Variants in CALN1 observed in about 807,000 individuals in gnomAD.
The protein encoded by CALN1 is calcium-binding protein 8.
CALN1 carries 17 observed loss-of-function variants against 30.6 expected under a neutral mutation model. That is an observed-to-expected ratio of 0.56 (90% CI 0.38 to 0.83). CALN1 has a LOEUF of 0.83. Ranked by LOEUF, CALN1 falls within the 40% of genes least tolerant of loss-of-function variation. CALN1 has a pLI of 0.00. For synonymous variants in CALN1, 156 were observed against 131.4 expected (o/e 1.19, Z -1.28); for missense variants, 291 against 354.9 (o/e 0.82, Z 1.45).
At chr7:72,162,696 G>A (rs796692486) in intron 3 of CALN1, among the ~76,000 whole-genome samples, 4 of 152,234 alleles carry the variant, frequency 2.6e-5, no homozygotes, top group African/African-American at 9.6e-5. Context: ...CCAAGATCAT[G>A]CCACTATACT....
intron 5 of CALN1, among the ~76,000 whole-genome samples, chr7:72,020,495 C>T (rs1452950638): frequency 1.3e-5 from 2 of 152,226 alleles, no homozygotes; most frequent in East Asian, 3.9e-4. Flanking sequence ...CAGGCAGTCG[C>T]AGGGGGAAGA....
chr7:72,078,910 T>C (rs548056091), intron 4 of CALN1, among the ~76,000 whole-genome samples: 7 of 152,040 alleles, frequency 4.6e-5, no homozygotes, highest in South Asian at 2.1e-4. Flanking sequence ...GCCTGGGTGA[T>C]AGAGTGAGAT....
chr7:72,378,634 A>G (rs1804705565), intron 2 of CALN1, among the ~76,000 whole-genome samples: 1 of 151,618 alleles, frequency 6.6e-6, no homozygotes, highest in South Asian at 2.1e-4. Context: ...TTACTTTCAT[A>G]TACCTTAGAA....
At chr7:72,110,100 C>T (rs1563066853) in intron 3 of CALN1, among the ~76,000 whole-genome samples, 2 of 152,212 alleles carry the variant, frequency 1.3e-5, no homozygotes, top group Non-Finnish European at 1.5e-5. Context: ...ATCCTGAACT[C>T]TCTGGGTTAC....
chr7:72,201,217 C>CCAAATGCTGCATATTCTCACTTA (rs1791391435), intron 3 of CALN1, among the ~76,000 whole-genome samples: 1 of 152,056 alleles, frequency 6.6e-6, no homozygotes, highest in African/African-American at 2.4e-5. Context: ...TAAGTAAGAA[C>CCAAATGCTGCATATTCTCACTTA]TAAATATTAG....
intron 3 of CALN1, among the ~76,000 whole-genome samples, chr7:72,219,018 G>A (rs532286192): frequency 2.6e-5 from 4 of 152,260 alleles, no homozygotes; most frequent in Non-Finnish European, 5.9e-5. Context: ...CCTGAAACAG[G>A]AAACTGCACC....
intron 5 of CALN1, among the ~76,000 whole-genome samples, chr7:72,008,557 TA>T (rs1448029324): frequency 6.6e-6 from 1 of 151,886 alleles, no homozygotes; most frequent in African/African-American, 2.4e-5. Context: ...AAAAAAGGAT[TA>T]TTCATTAAAT....
rs142426951 is a variant in CALN1 at position 72,041,989 on chromosome 7, C to T, written c.389-18220G>A. On this transcript the variant is annotated intron_variant, in intron 4 of 6. Transcript: ENST00000395275. ...TTCCTTTATAAATTACCTAGTCTCT[C>T]GGGTATGTCTTTATTAGCAGCATGA... Among the ~76,000 whole-genome samples, 41 of 152,192 alleles carry T rather than the reference C, an allele frequency of 2.7e-4. No homozygotes were observed. In the East Asian group the frequency reaches 3.9e-3, roughly 14 times the overall value.
the CALN1 span, among the ~76,000 whole-genome samples, chr7:72,467,288 C>T: frequency 2.0e-5 from 3 of 152,188 alleles, no homozygotes; most frequent in Non-Finnish European, 2.9e-5. Context: ...GCTGAGAAGG[C>T]GGTTTGCAAT....
rs1165194667 is a variant in CALN1 at position 71,858,641 on chromosome 7, C to T, written c.502-48149G>A. Among the ~76,000 whole-genome samples, 24 of 152,096 alleles carry T rather than the reference C, an allele frequency of 1.6e-4. 1 individual carries two copies. Among genetic ancestry groups the T allele is most frequent in the Admixed American group, 1.6e-3 (24 of 15,248 alleles). On this transcript the variant is annotated intron_variant, in intron 5 of 6. Coordinates refer to ENST00000395275, the MANE Select transcript of CALN1 (RefSeq NM_031468.4). ...ACAAATATATATCTGATTGCTTCCC[C>T]CGCCCTAATATTTCACTAAGCCCTC...
intron 2 of CALN1, among the ~76,000 whole-genome samples, chr7:72,341,023 C>T (rs1216112375): frequency 2.0e-5 from 3 of 151,934 alleles, no homozygotes; most frequent in African/African-American, 7.2e-5. Flanking sequence ...TCTTTATCAG[C>T]AATGTGAAAA....
intron 6 of CALN1, among the ~76,000 whole-genome samples, chr7:71,793,382 G>A (rs960277003): frequency 6.6e-6 from 1 of 152,156 alleles, no homozygotes; most frequent in Admixed American, 6.5e-5. Context: ...ATAGACCTTA[G>A]TCTGAGTCAG....
intron 4 of CALN1, among the ~76,000 whole-genome samples, chr7:72,030,907 T>C (rs1308452596): frequency 6.6e-6 from 1 of 152,018 alleles, no homozygotes; most frequent in Non-Finnish European, 1.5e-5. Context: ...CCATCACACT[T>C]GGCCAATCTT....
chr7:71,906,559 T>TGACAGACCAGGCAC, intron 5 of CALN1, among the ~76,000 whole-genome samples: 1 of 152,238 alleles, frequency 6.6e-6, no homozygotes, highest in East Asian at 1.9e-4. Context: ...GGAGCAGGCA[T>TGACAGACCAGGCAC]GACAGACCAG....
At chr7:71,942,300 C>A in intron 5 of CALN1, 1 of 192,678 alleles carries the variant, frequency 5.2e-6, no homozygotes, top group Non-Finnish European at 1.2e-5. Context: ...TGGCCAGGGT[C>A]ACCGAGGTCC....
intron 5 of CALN1, among the ~76,000 whole-genome samples, chr7:71,821,086 C>G (rs557732452): frequency 6.6e-6 from 1 of 152,156 alleles, no homozygotes; most frequent in South Asian, 2.1e-4. Flanking sequence ...GTAGAATAGC[C>G]TAGGATGCAG....
intron 5 of CALN1, among the ~76,000 whole-genome samples, chr7:71,855,279 G>A (rs752695723): frequency 2.0e-4 from 31 of 152,182 alleles, no homozygotes; most frequent in Non-Finnish European, 1.2e-4. Context: ...CTAAATCAGG[G>A]GGAGTAGCTC....
intron 2 of CALN1, among the ~76,000 whole-genome samples, chr7:72,367,187 G>T (rs1251248141): frequency 6.6e-6 from 1 of 152,048 alleles, no homozygotes; most frequent in Non-Finnish European, 1.5e-5. Flanking sequence ...AAGCAGGTTG[G>T]GACTAGAAGC....
intron 4 of CALN1, among the ~76,000 whole-genome samples, chr7:72,070,106 G>C (rs979482738): frequency 5.9e-5 from 9 of 152,192 alleles, no homozygotes; most frequent in African/African-American, 2.2e-4. Context: ...TTTTCTAATT[G>C]CTTTAGGAAA....
Sources: allele counts gnomAD v4.1 joint callset (sites outside exome capture counted in the v4.1 genomes callset), GRCh38; gene constraint gnomAD v4.1.1; transcripts MANE v1.5; gene names NCBI Gene and HGNC (gene_info 2026-07-23, HGNC 2026-07-21).